WDR64: variants seen among roughly 807,000 people sequenced by gnomAD.
WDR64 encodes the protein WD repeat-containing protein 64.
Under a neutral mutation model 139.3 loss-of-function variants are expected in WDR64, and 112 were observed. That is an observed-to-expected ratio of 0.80 (90% CI 0.69 to 0.94). The LOEUF is 0.94. WDR64 is among the 40% of genes least tolerant of loss of function. WDR64 has a pLI of 0.00. For missense variants in WDR64, 1,206 were observed against 1,293.1 expected, an observed-to-expected ratio of 0.93 and a Z score of 1.03; for synonymous variants, 444 against 437.7, an observed-to-expected ratio of 1.01 and a Z score of -0.18.
chr1:241,764,843 G>C (rs866423963), intron 15 of WDR64, among the ~76,000 whole-genome samples: 3 of 152,126 alleles, frequency 2.0e-5, no homozygotes, highest in Non-Finnish European at 4.4e-5. Flanking sequence ...GACAGTTCCA[G>C]GATTTCTAAC....
At chr1:241,673,765 A>G (rs1666338029) in intron 3 of WDR64, among the ~76,000 whole-genome samples, 1 of 152,178 alleles carries the variant, frequency 6.6e-6, no homozygotes, top group South Asian at 2.1e-4. Context: ...AAGAAATTCT[A>G]TATATATGGC....
At chr1:241,678,934 T>C (rs538956178) in intron 5 of WDR64, among the ~76,000 whole-genome samples, 22 of 143,208 alleles carry the variant, frequency 1.5e-4, no homozygotes, top group Non-Finnish European at 3.0e-4. Flanking sequence ...TTAGAGGCCA[T>C]GCCTGAAATG....
intron 6 of WDR64, 89 bp from the exon 7 acceptor site, chr1:241,683,398 G>A (rs900215647): frequency 1.7e-4 from 224 of 1,295,186 alleles, no homozygotes; most frequent in Middle Eastern, 1.0e-3. Context: ...AAGAAACAGC[G>A]GAAAGTGAAA....
intron 23 of WDR64, among the ~76,000 whole-genome samples, chr1:241,783,681 C>T (rs1488997701): frequency 1.3e-5 from 2 of 151,854 alleles, no homozygotes; most frequent in African/African-American, 2.4e-5. Context: ...ATAGCTATCT[C>T]GGAGAGTTAG....
At chr1:241,781,679 C>G (rs1205334087) in intron 22 of WDR64, among the ~76,000 whole-genome samples, 2 of 152,156 alleles carry the variant, frequency 1.3e-5, no homozygotes, top group Non-Finnish European at 2.9e-5. Context: ...ATCTTAGTTT[C>G]TAATTGCGGA....
chr1:241,652,817 T>G (rs957185571), intron 1 of WDR64, among the ~76,000 whole-genome samples, 188 bp downstream of exon 1: 1 of 152,166 alleles, frequency 6.6e-6, no homozygotes, highest in African/African-American at 2.4e-5. Flanking sequence ...GCTTTTGTTT[T>G]GTTTTGTTTT....
intron 10 of WDR64, 31 bp downstream of exon 10, chr1:241,723,467 A>C: frequency 6.2e-7 from 1 of 1,606,570 alleles, no homozygotes; most frequent in Non-Finnish European, 8.5e-7. Context: ...AAACAAAACT[A>C]GTTTTTTCCG....
At position 241,798,599 on chromosome 1, in the gene WDR64, G is replaced by C. The variant is rs530748448; in HGVS notation, c.3192+2229G>C. Among the ~76,000 whole-genome samples the C allele has an allele frequency of 1.4e-4, 22 of 152,236 alleles. No individual in the cohort carries two copies. In the South Asian group the frequency reaches 1.7e-3, roughly 11 times the overall value. On this transcript the variant is annotated intron_variant, in intron 27 of 27. Transcript: ENST00000437684. ...GCATAAAACGACCTCAGAAATTCAG[G>C]GGGAGAAATTTCACTTTTATGAAAC... is the stretch of plus-strand genomic sequence containing the variant.
At chr1:241,735,280 G>A (rs1669252863) in intron 10 of WDR64, among the ~76,000 whole-genome samples, 1 of 152,146 alleles carries the variant, frequency 6.6e-6, no homozygotes, top group Admixed American at 6.6e-5. Context: ...TATGAACGCA[G>A]CGCATATTAT....
At chr1:241,709,999 G>A (rs550253417) in intron 8 of WDR64, among the ~76,000 whole-genome samples, 1 of 151,206 alleles carries the variant, frequency 6.6e-6, no homozygotes, top group Non-Finnish European at 1.5e-5. Context: ...TTCAAAATAC[G>A]TTATTAAGTG....
At chr1:241,692,911 C>T (rs1667352698) in intron 8 of WDR64, among the ~76,000 whole-genome samples, 1 of 152,120 alleles carries the variant, frequency 6.6e-6, no homozygotes. Flanking sequence ...ACTAACACCA[C>T]CAAATGCTGG....
chr1:241,716,501 T>C (rs576616043), intron 9 of WDR64, among the ~76,000 whole-genome samples: 170 of 152,236 alleles, frequency 1.1e-3, no homozygotes, highest in African/African-American at 3.8e-3. Context: ...TTTTTCATGT[T>C]TTGTTCAACA....
intron 23 of WDR64, among the ~76,000 whole-genome samples, chr1:241,784,953 G>GGAAAAAAAAAAAAC (rs766802128): frequency 1.6e-5 from 1 of 62,250 alleles, no homozygotes; most frequent in Non-Finnish European, 3.1e-5. Context: ...GACTCTGTCT[G>GGAAAAAAAAAAAAC]AAAAAAAAAA....
At chr1:241,668,499 C>T (rs1666106137) in intron 2 of WDR64, among the ~76,000 whole-genome samples, 1 of 152,150 alleles carries the variant, frequency 6.6e-6, no homozygotes, top group African/African-American at 2.4e-5. Context: ...GTCTGATTGT[C>T]TGTAGGAGTC....
At chr1:241,795,913 G>A (rs1659349487) in intron 26 of WDR64, among the ~76,000 whole-genome samples, 1 of 152,116 alleles carries the variant, frequency 6.6e-6, no homozygotes, top group Non-Finnish European at 1.5e-5. Flanking sequence ...TAAGCTAACA[G>A]ATGATGCTAA....
intron 13 of WDR64, among the ~76,000 whole-genome samples, chr1:241,747,699 T>C (rs991443625): frequency 2.0e-5 from 3 of 151,770 alleles, no homozygotes; most frequent in African/African-American, 4.8e-5. Context: ...AGCTGATCTA[T>C]GAAATCAGAA....
intron 13 of WDR64, among the ~76,000 whole-genome samples, chr1:241,746,796 C>T (rs6695767): frequency 0.43 from 64,567 of 148,906 alleles, 14,791 homozygotes; most frequent in African/African-American, 0.59. Flanking sequence ...CTTGCTTTGT[C>T]ACCCAGGCTG....
At chr1:241,685,003 C>T (rs143392393) in intron 7 of WDR64, among the ~76,000 whole-genome samples, 2,647 of 151,972 alleles carry the variant, frequency 0.017, 78 homozygotes, top group African/African-American at 0.059. Context: ...GTGATCTGCC[C>T]GCCTCGGCCT....
chr1:241,760,636 C>G (rs1290541449), intron 15 of WDR64, among the ~76,000 whole-genome samples: 1 of 149,876 alleles, frequency 6.7e-6, no homozygotes, highest in Non-Finnish European at 1.5e-5. Context: ...AAGAAATAGT[C>G]CAAGCATGTA....
Sources: allele counts gnomAD v4.1 joint callset (sites outside exome capture counted in the v4.1 genomes callset), GRCh38; gene constraint gnomAD v4.1.1; transcripts MANE v1.5; gene names NCBI Gene and HGNC (gene_info 2026-07-23, HGNC 2026-07-21).